The following PRKG1 variants were observed in gnomAD, a reference collection of about 807,000 sequenced individuals.
PRKG1 encodes protein kinase cGMP-dependent 1, also known as cGMP-dependent protein kinase 1.
PRKG1 carries 35 observed loss-of-function variants against 88.1 expected under a neutral mutation model. The observed-to-expected ratio is 0.40, with a 90% CI of 0.30 to 0.53. The LOEUF (loss-of-function observed/expected upper bound fraction) is 0.53. PRKG1 is among the 20% of genes least tolerant of loss of function. The probability of loss-of-function intolerance (pLI) is 0.59; values close to 1 mark genes in which losing one functional copy is unlikely to be tolerated. For missense variants in PRKG1, 540 were observed against 839.8 expected (o/e 0.64, Z 4.41); for synonymous variants, 303 against 292.5 (o/e 1.04, Z -0.37).
At chr10:51,180,354 G>A (rs747907671) in intron 2 of PRKG1, among the ~76,000 whole-genome samples, 3 of 152,072 alleles carry the variant, frequency 2.0e-5, no homozygotes, top group Non-Finnish European at 4.4e-5. Flanking sequence ...TGGCCTAAAG[G>A]CAAAAATAGT....
At chr10:51,708,025 T>C (rs1319047121) in intron 3 of PRKG1, among the ~76,000 whole-genome samples, 3 of 152,202 alleles carry the variant, frequency 2.0e-5, no homozygotes, top group African/African-American at 7.2e-5. Flanking sequence ...GTTATTTTCA[T>C]GACATTTTGT....
chr10:52,211,563 C>T (rs1839971739), intron 9 of PRKG1, among the ~76,000 whole-genome samples: 2 of 151,716 alleles, frequency 1.3e-5, no homozygotes, highest in Non-Finnish European at 2.9e-5. Context: ...TTTTCCTGGG[C>T]CAAACCAATA....
At chr10:52,024,014 T>C (rs1845259946) in intron 5 of PRKG1, among the ~76,000 whole-genome samples, 1 of 152,198 alleles carries the variant, frequency 6.6e-6, no homozygotes, top group Non-Finnish European at 1.5e-5. Flanking sequence ...TGGTATTGCC[T>C]AGGTTTTCTT....
At chr10:51,865,058 G>T (rs773365117) in intron 4 of PRKG1, among the ~76,000 whole-genome samples, 5 of 152,078 alleles carry the variant, frequency 3.3e-5, no homozygotes, top group Non-Finnish European at 7.4e-5. Flanking sequence ...CTACATTAAT[G>T]AATTATAGGA....
chr10:52,220,364 C>T (rs1477123614), intron 9 of PRKG1, among the ~76,000 whole-genome samples: 4 of 152,094 alleles, frequency 2.6e-5, no homozygotes, highest in African/African-American at 9.7e-5. Flanking sequence ...CATCTTGGAA[C>T]TGCAGCTTCA....
At chr10:51,044,113 A>G (rs534272041) in intron 1 of PRKG1, among the ~76,000 whole-genome samples, 196 of 152,340 alleles carry the variant, frequency 1.3e-3, no homozygotes, top group Admixed American at 2.2e-3. Flanking sequence ...GGTGACAGAC[A>G]TTAATCCTCC....
intron 1 of PRKG1, among the ~76,000 whole-genome samples, chr10:51,004,143 T>C (rs978778785): frequency 6.6e-6 from 1 of 152,204 alleles, no homozygotes; most frequent in African/African-American, 2.4e-5. Context: ...CTATATGAGA[T>C]AAATGATCTA....
At chr10:51,256,933 T>A (rs1237457996) in intron 2 of PRKG1, among the ~76,000 whole-genome samples, 1 of 151,914 alleles carries the variant, frequency 6.6e-6, no homozygotes. Context: ...TAGAATGGGA[T>A]GTGAGAGAGA....
intron 2 of PRKG1, among the ~76,000 whole-genome samples, chr10:51,231,394 T>C (rs572977412): frequency 9.8e-5 from 15 of 152,288 alleles, no homozygotes; most frequent in South Asian, 4.1e-4. Context: ...TATTGCCATG[T>C]CAGAGTGAGC....
intron 3 of PRKG1, among the ~76,000 whole-genome samples, chr10:51,760,734 G>T (rs1347379037): frequency 1.3e-5 from 2 of 151,924 alleles, no homozygotes; most frequent in Non-Finnish European, 2.9e-5. Context: ...GGCTTCCCGT[G>T]GTGCTGGGAT....
chr10:51,376,809 G>A (rs191532297), intron 2 of PRKG1, among the ~76,000 whole-genome samples: 86 of 152,144 alleles, frequency 5.7e-4, no homozygotes, highest in African/African-American at 2.0e-3. Flanking sequence ...CGAGTAGCTG[G>A]GATTACAGGC....
At position 51,543,920 on chromosome 10, in the gene PRKG1, T is replaced by C. The variant is rs563505808; in HGVS notation, c.592+76084T>C. 1.6e-3 allele frequency among the ~76,000 whole-genome samples: 241 copies of C among 152,320 alleles called. 3 individuals are homozygous for C. Among genetic ancestry groups the C allele is most frequent in the South Asian group, 0.015 (70 of 4,826 alleles). ...TCCTTATATAATTTGTAAGTATGGATACCCTTTCCAATTCATTCTCTGGCA... is the reference window on the plus strand; with the variant it reads ...TCCTTATATAATTTGTAAGTATGGACACCCTTTCCAATTCATTCTCTGGCA... On this transcript the variant is annotated intron_variant, in intron 3 of 17. Coordinates refer to ENST00000373980, the MANE Select transcript of PRKG1 (RefSeq NM_006258.4).
intron 9 of PRKG1, among the ~76,000 whole-genome samples, chr10:52,251,184 G>A (rs1030063403): frequency 1.3e-5 from 2 of 151,866 alleles, no homozygotes; most frequent in African/African-American, 2.4e-5. Context: ...AAATCTGAAC[G>A]GCAAAAACAA....
chr10:51,859,848 TG>T (rs1229677024), intron 4 of PRKG1, among the ~76,000 whole-genome samples: 1 of 152,184 alleles, frequency 6.6e-6, no homozygotes, highest in African/African-American at 2.4e-5. Context: ...TTGTGAGGTG[TG>T]GTAATTTTCA....
chr10:51,941,996 T>C (rs1334500176), intron 5 of PRKG1, among the ~76,000 whole-genome samples: 1 of 152,068 alleles, frequency 6.6e-6, no homozygotes, highest in East Asian at 1.9e-4. Flanking sequence ...CAAATGGTAT[T>C]TCTAGTTCTG....
intron 3 of PRKG1, among the ~76,000 whole-genome samples, chr10:51,683,172 C>T (rs1057276237): frequency 5.3e-5 from 8 of 152,100 alleles, no homozygotes; most frequent in Non-Finnish European, 1.0e-4. Context: ...AATAGTTAGC[C>T]ATCAAGAAAA....
intron 5 of PRKG1, among the ~76,000 whole-genome samples, chr10:51,978,382 A>C (rs1412640568): frequency 2.0e-5 from 3 of 148,450 alleles, no homozygotes; most frequent in Non-Finnish European, 4.5e-5. Flanking sequence ...GTTGGATAGC[A>C]TGATGCTTCC....
intron 5 of PRKG1, among the ~76,000 whole-genome samples, chr10:52,029,540 A>G (rs1845427153): frequency 6.6e-6 from 1 of 152,212 alleles, no homozygotes; most frequent in Non-Finnish European, 1.5e-5. Context: ...GGGAAGTACA[A>G]TCTCAAAGTC....
intron 2 of PRKG1, among the ~76,000 whole-genome samples, chr10:51,273,173 T>A (rs1241504023): frequency 6.6e-6 from 1 of 152,178 alleles, no homozygotes; most frequent in Non-Finnish European, 1.5e-5. Context: ...AAATCCCTGC[T>A]ATCTTTCTTC....
Sources: gnomAD v4.1 joint callset for allele counts (sites outside exome capture counted in the v4.1 genomes callset) on GRCh38, gnomAD v4.1.1 for gene constraint, MANE v1.5 for transcripts, NCBI Gene and HGNC (gene_info 2026-07-23, HGNC 2026-07-21) for gene names.